CSF1R: variants seen among roughly 807,000 people sequenced by gnomAD.
The protein encoded by CSF1R is macrophage colony-stimulating factor 1 receptor.
In CSF1R, 40 loss-of-function variants were observed where a neutral mutation model predicts 110.0. The observed-to-expected ratio is 0.36, with a 90% CI of 0.28 to 0.47. CSF1R has a LOEUF of 0.47. CSF1R is among the 20% of genes least tolerant of loss of function. The pLI is 0.99. For synonymous variants in CSF1R, 523 were observed against 503.4 expected (o/e 1.04, Z -0.52); for missense variants, 1,052 against 1,253.0 (o/e 0.84, Z 2.42).
intron 19 of CSF1R, 48 bp from the exon 20 acceptor site, chr5:150,054,478 G>A (rs1757098736): frequency 6.6e-7 from 1 of 1,519,890 alleles, no homozygotes; most frequent in African/African-American, 1.4e-5. Context: ...CTAGGGTCCA[G>A]GGGCCATTAA....
intron 1 of CSF1R, among the ~76,000 whole-genome samples, chr5:150,097,030 C>A (rs111777640): frequency 7.2e-5 from 11 of 152,176 alleles, no homozygotes; most frequent in African/African-American, 2.6e-4. Flanking sequence ...GGGGGGCCAA[C>A]GTAGGAGGAT....
At chr5:150,083,510 C>T (rs1351769231) in intron 1 of CSF1R, among the ~76,000 whole-genome samples, 2 of 152,056 alleles carry the variant, frequency 1.3e-5, no homozygotes, top group Non-Finnish European at 2.9e-5. Context: ...CCCCAGTCTC[C>T]TCACAGTGGC....
intron 1 of CSF1R, chr5:150,094,155 A>G: frequency 8.8e-6 from 5 of 569,070 alleles, no homozygotes; most frequent in Non-Finnish European, 1.5e-5. Context: ...ATATCAGACA[A>G]AATAGACTTC....
chr5:150,074,620 C>T (rs1431262329), intron 5 of CSF1R, among the ~76,000 whole-genome samples: 2 of 152,154 alleles, frequency 1.3e-5, no homozygotes, highest in Non-Finnish European at 2.9e-5. Flanking sequence ...CTTCTTAAAA[C>T]CTCAGGGCTC....
At chr5:150,078,069 G>A in intron 4 of CSF1R, 43 bp downstream of exon 4, 4 of 1,610,916 alleles carry the variant, frequency 2.5e-6, no homozygotes, top group Admixed American at 1.7e-5. Flanking sequence ...CTGGTGTGCT[G>A]GGAGGATGGC....
intron 18 of CSF1R, 22 bp downstream of exon 18, chr5:150,056,004 T>A: frequency 6.2e-7 from 1 of 1,608,614 alleles, no homozygotes; most frequent in Non-Finnish European, 8.5e-7. Context: ...AGGCTCTGCC[T>A]GGAGTGGGCC....
chr5:150,101,858 C>T (rs1187301695), intron 1 of CSF1R, among the ~76,000 whole-genome samples: 1 of 152,046 alleles, frequency 6.6e-6, no homozygotes, highest in Non-Finnish European at 1.5e-5. Context: ...TCCATCTGTC[C>T]ACCCATCCAT....
At chr5:150,109,064 C>CCCCCCCCT (rs1554106359) in intron 1 of CSF1R, among the ~76,000 whole-genome samples, 1 of 130,448 alleles carries the variant, frequency 7.7e-6, no homozygotes, top group Non-Finnish European at 1.7e-5. Flanking sequence ...GCCCGCCCCC[C>CCCCCCCCT]CCCCACCACC....
In CSF1R at chr5:150,056,126, A is replaced by G. The variant is rs2113778747; in HGVS notation, c.2454T>C (p.Pro818=). 6.2e-7 allele frequency: 1 copy of G among 1,614,230 alleles called. No individual in the cohort carries two copies. The highest frequency in any genetic ancestry group is 2.2e-5 in the East Asian group (1 of 44,886). ...NYIVKGNARL[P]VKWMAPESIF... ...TGCTCTCTGGGGCCATCCACTTCAC[A>G]GGCAGGCGGGCCTGGGATGACAGTC... The change falls in exon 18 of 21, where the codon CCT becomes CCC. Residue 818 remains proline, a synonymous_variant. Coordinates refer to ENST00000675795, the MANE Select transcript of CSF1R (RefSeq NM_001288705.3).
chr5:150,059,070 GT>G (rs1757379581), intron 14 of CSF1R, among the ~76,000 whole-genome samples: 1 of 152,076 alleles, frequency 6.6e-6, no homozygotes, highest in Admixed American at 6.6e-5. Flanking sequence ...TTGAGACGGA[GT>G]TTCATTCTTG....
At chr5:150,055,845 CAG>C (rs1019257011) in intron 18 of CSF1R, among the ~76,000 whole-genome samples, 179 bp downstream of exon 18, 8 of 152,240 alleles carry the variant, frequency 5.3e-5, no homozygotes, top group Admixed American at 1.3e-4. Context: ...GAGCGCCTGT[CAG>C]GGGCAGAGGG....
intron 3 of CSF1R, among the ~76,000 whole-genome samples, chr5:150,079,266 G>A (rs2569075): frequency 0.45 from 68,239 of 152,030 alleles, 16,992 homozygotes; most frequent in Non-Finnish European, 0.55. Context: ...TTGACCCCCT[G>A]GGCAGGTTTA....
chr5:150,093,436 G>A (rs906390433), intron 1 of CSF1R, among the ~76,000 whole-genome samples: 4 of 152,060 alleles, frequency 2.6e-5, no homozygotes, highest in Admixed American at 6.5e-5. Flanking sequence ...ATTAATTTAC[G>A]ATGTAAGTTG....
intron 1 of CSF1R, among the ~76,000 whole-genome samples, chr5:150,095,823 A>G (rs1759206826): frequency 6.6e-6 from 1 of 151,852 alleles, no homozygotes; most frequent in Non-Finnish European, 1.5e-5. Flanking sequence ...GAAAGTGGAC[A>G]TCAATACCAA....
At chr5:150,088,468 T>C (rs536815256), upstream of CSF1R, among the ~76,000 whole-genome samples, 7 of 151,874 alleles carry the variant, frequency 4.6e-5, no homozygotes, top group South Asian at 8.3e-4. Flanking sequence ...CCAATACAAA[T>C]GCATGAATAT....
intron 14 of CSF1R, chr5:150,058,314 T>C (rs921500493): frequency 2.2e-6 from 1 of 456,168 alleles, no homozygotes. Flanking sequence ...GAAGCACTAC[T>C]GTAGACTGAA....
At chr5:150,065,636 G>A (rs927820153) in intron 10 of CSF1R, among the ~76,000 whole-genome samples, 3 of 152,250 alleles carry the variant, frequency 2.0e-5, no homozygotes, top group Non-Finnish European at 4.4e-5. Flanking sequence ...TGGGAGGGCA[G>A]GCACTTAGCA....
intron 1 of CSF1R, among the ~76,000 whole-genome samples, chr5:150,111,288 G>A (rs1759710098): frequency 6.6e-6 from 1 of 152,080 alleles, no homozygotes; most frequent in African/African-American, 2.4e-5. Flanking sequence ...GAGTGGGGTG[G>A]CGGAAGAATT....
At chr5:150,059,602 C>T (rs1354943251) in intron 14 of CSF1R, 98 bp downstream of exon 14, 14 of 1,447,158 alleles carry the variant, frequency 9.7e-6, no homozygotes, top group African/African-American at 2.8e-5. Context: ...TGCATAGCCA[C>T]CCATTCATGA....
Sources: gnomAD v4.1 joint callset for allele counts (sites outside exome capture counted in the v4.1 genomes callset) on GRCh38, gnomAD v4.1.1 for gene constraint, MANE v1.5 for transcripts, NCBI Gene and HGNC (gene_info 2026-07-23, HGNC 2026-07-21) for gene names.